MGAT4C: variants seen among roughly 807,000 people sequenced by gnomAD.
The protein encoded by MGAT4C is alpha-1,3-mannosyl-glycoprotein 4-beta-N-acetylglucosaminyltransferase C.
In MGAT4C, 19 loss-of-function variants were observed where a neutral mutation model predicts 40.1. The observed-to-expected ratio is 0.47, with a 90% confidence interval of 0.33 to 0.70. The LOEUF is 0.70. Ranked by LOEUF, MGAT4C falls within the 30% of genes least tolerant of loss-of-function variation. The probability of loss-of-function intolerance (pLI) is 0.02; values close to 1 mark genes in which losing one functional copy is unlikely to be tolerated. For missense variants in MGAT4C, 491 were observed against 563.2 expected (o/e 0.87, Z 1.30); for synonymous variants, 181 against 187.1 (o/e 0.97, Z 0.27).
At chr12:86,295,373 G>A (rs1357204786) in intron 4 of MGAT4C, among the ~76,000 whole-genome samples, 1 of 152,116 alleles carries the variant, frequency 6.6e-6, no homozygotes, top group East Asian at 1.9e-4. Flanking sequence ...GCAGACCCTC[G>A]CGGTGAGTGT....
At chr12:86,565,279 A>C (rs1045755944) in intron 2 of MGAT4C, among the ~76,000 whole-genome samples, 3 of 152,154 alleles carry the variant, frequency 2.0e-5, no homozygotes, top group African/African-American at 4.8e-5. Context: ...AAGTGGCTCA[A>C]ATGCCCATGG....
intron 2 of MGAT4C, among the ~76,000 whole-genome samples, chr12:86,481,547 T>C (rs1205513419): frequency 2.0e-5 from 3 of 152,072 alleles, no homozygotes; most frequent in East Asian, 1.9e-4. Context: ...TTCATAGCAG[T>C]ATTATTTGCA....
chr12:86,749,565 A>C (rs1001338457), intron 1 of MGAT4C, among the ~76,000 whole-genome samples: 5 of 151,750 alleles, frequency 3.3e-5, no homozygotes, highest in Admixed American at 6.6e-5. Flanking sequence ...ATTTTCTCTT[A>C]ATTTTTAAAA....
Position 86,469,592 on chromosome 12 carries a change from G to C in MGAT4C, c.-228-34327C>G, listed in dbSNP as rs1166883005. ...ATGTGAATCAGGTAAGAGACTGTTA[G>C]ATTGGTACCAAAGTAATTGCGGTTT... On this transcript the variant is annotated intron_variant, in intron 2 of 7. Coordinates refer to the MGAT4C transcript ENST00000548651. 2.6e-5 allele frequency among the ~76,000 whole-genome samples: 4 copies of C among 152,132 alleles called. No individual in the cohort carries two copies. The East Asian group carries it at 7.7e-4, about 29-fold the overall frequency.
intron 1 of MGAT4C, among the ~76,000 whole-genome samples, chr12:86,132,355 G>A (rs1466478138): frequency 6.7e-6 from 1 of 148,596 alleles, no homozygotes; most frequent in East Asian, 2.0e-4. Flanking sequence ...ACAGTGTTTA[G>A]ACGATTCTCT....
chr12:86,427,159 G>A lies in MGAT4C; in HGVS notation c.-120+7998C>T, dbSNP rs529566151. Among the ~76,000 whole-genome samples, 13 of 152,172 alleles carry A rather than the reference G, an allele frequency of 8.5e-5. No individual in the cohort carries two copies. In the East Asian group the frequency reaches 2.5e-3, roughly 30 times the overall value. On this transcript the variant is annotated intron_variant, in intron 3 of 7. Coordinates refer to the MGAT4C transcript ENST00000548651. ...AAGCTTCTTGGAGGGAAAAGTGTGT[G>A]TTTCCCTAAGAGGGGCTGCCTTCTA...
chr12:86,164,016 A>G (rs1190444529), intron 1 of MGAT4C, among the ~76,000 whole-genome samples: 1 of 152,186 alleles, frequency 6.6e-6, no homozygotes, highest in African/African-American at 2.4e-5. Flanking sequence ...AGCATACCTG[A>G]GTTGGTTTTA....
At chr12:86,644,111 AT>A (rs1472301228) in intron 2 of MGAT4C, among the ~76,000 whole-genome samples, 1 of 151,624 alleles carries the variant, frequency 6.6e-6, no homozygotes, top group African/African-American at 2.4e-5. Context: ...CACTTTGATT[AT>A]ATTAGAATTA....
At chr12:86,595,971 T>A (rs1961522577) in intron 2 of MGAT4C, among the ~76,000 whole-genome samples, 1 of 151,960 alleles carries the variant, frequency 6.6e-6, no homozygotes. Context: ...TCCCACCCCG[T>A]CCCCCCTTGA....
At chr12:86,378,717 A>C (rs776317066) in intron 3 of MGAT4C, among the ~76,000 whole-genome samples, 28 of 152,202 alleles carry the variant, frequency 1.8e-4, no homozygotes, top group Non-Finnish European at 3.7e-4. Flanking sequence ...GTGAAGTATA[A>C]GATTAGCAAG....
intron 2 of MGAT4C, among the ~76,000 whole-genome samples, chr12:86,005,072 C>A (rs1022091361): frequency 6.6e-6 from 1 of 152,150 alleles, no homozygotes; most frequent in African/African-American, 2.4e-5. Flanking sequence ...ACCTCGTTAC[C>A]CTCTGCCTAT....
chr12:86,331,035 C>A (rs1023203249), intron 4 of MGAT4C, among the ~76,000 whole-genome samples: 1 of 152,030 alleles, frequency 6.6e-6, no homozygotes, highest in African/African-American at 2.4e-5. Flanking sequence ...AGAAAGAATT[C>A]GACCTGGGGC....
intron 2 of MGAT4C, among the ~76,000 whole-genome samples, chr12:86,681,760 T>C (rs554440537): frequency 1.3e-5 from 2 of 152,126 alleles, no homozygotes. Context: ...AGTTCTGATA[T>C]ACATAGAAAA....
intron 1 of MGAT4C, among the ~76,000 whole-genome samples, chr12:86,248,240 T>TTCCTTCC (rs1353035676): frequency 2.0e-5 from 3 of 147,886 alleles, no homozygotes; most frequent in Admixed American, 2.0e-4. Context: ...CCTTCCTTCC[T>TTCCTTCC]TCCTTCCTTC....
chr12:86,380,558 T>C (rs1298340119), intron 3 of MGAT4C, among the ~76,000 whole-genome samples: 1 of 152,172 alleles, frequency 6.6e-6, no homozygotes, highest in East Asian at 1.9e-4. Flanking sequence ...TAATCAGTGC[T>C]GTCTCTTCCA....
intron 2 of MGAT4C, among the ~76,000 whole-genome samples, chr12:86,005,946 T>C (rs1004488275): frequency 6.6e-6 from 1 of 152,188 alleles, no homozygotes; most frequent in African/African-American, 2.4e-5. Context: ...TAGTGCACTC[T>C]TGTGAGTTCT....
At chr12:86,443,846 G>A (rs1401981312) in intron 2 of MGAT4C, among the ~76,000 whole-genome samples, 5 of 151,982 alleles carry the variant, frequency 3.3e-5, no homozygotes, top group East Asian at 3.9e-4. Context: ...CGCCCGCCTC[G>A]GCTTCCCAAA....
At chr12:86,212,724 TAAA>T (rs63517761) in intron 1 of MGAT4C, among the ~76,000 whole-genome samples, 22 of 107,878 alleles carry the variant, frequency 2.0e-4, no homozygotes, top group Non-Finnish European at 3.3e-4. Flanking sequence ...CCGTCTCTAC[TAAA>T]AAAAAAAAAA....
At chr12:86,276,377 G>T (rs1953082192) in intron 4 of MGAT4C, among the ~76,000 whole-genome samples, 1 of 151,996 alleles carries the variant, frequency 6.6e-6, no homozygotes, top group African/African-American at 2.4e-5. Context: ...CAAGGTAAAT[G>T]GGATATCCAT....
Sources: gnomAD v4.1 joint callset for allele counts (sites outside exome capture counted in the v4.1 genomes callset) on GRCh38, gnomAD v4.1.1 for gene constraint, MANE v1.5 for transcripts, NCBI Gene and HGNC (gene_info 2026-07-23, HGNC 2026-07-21) for gene names.